The following HTRA3 variants were observed in gnomAD, a reference collection of about 807,000 sequenced individuals.
HTRA3 encodes the protein serine protease HTRA3.
HTRA3 carries 41 observed loss-of-function variants against 43.2 expected under a neutral mutation model. The observed-to-expected ratio is 0.95, with a 90% CI of 0.74 to 1.23. The LOEUF (loss-of-function observed/expected upper bound fraction) is 1.23, where lower values mean the gene tolerates loss of function less well. Ranked by LOEUF, HTRA3 falls within the 50% of genes most tolerant of loss-of-function variation. HTRA3 has a pLI of 0.00. For synonymous variants in HTRA3, 295 were observed against 287.9 expected (o/e 1.02, Z -0.25); for missense variants, 628 against 647.1 (o/e 0.97, Z 0.32).
chr4:8,288,231 G>A lies in HTRA3; in HGVS notation c.708+1448G>A, dbSNP rs142710199. Among the ~76,000 whole-genome samples, 19 of 152,242 alleles carry A rather than the reference G, an allele frequency of 1.2e-4. No individual in the cohort carries two copies. In the East Asian group the frequency reaches 3.7e-3, roughly 29 times the overall value. On this transcript the variant is annotated intron_variant, in intron 3 of 8. Transcript: ENST00000307358. ...GCATCACCTCCATTTTAAAGTTAAGGAAACCCACTGAGGGGTGTGCTCACG... is the reference window on the plus strand; with the variant it reads ...GCATCACCTCCATTTTAAAGTTAAGAAAACCCACTGAGGGGTGTGCTCACG...
Position 8,286,881 on chromosome 4 carries a change from C to T in HTRA3, c.708+98C>T. The T allele has an allele frequency of 2.2e-6, 2 of 927,064 alleles. No individual in the cohort carries two copies. The highest frequency in any genetic ancestry group is 3.2e-5 in the South Asian group (2 of 62,136). 57.4% of individuals were successfully genotyped at this position (927,064 alleles called of 1,614,324 possible). On this transcript the variant is annotated intron_variant, in intron 3 of 8. Transcript: ENST00000307358. The surrounding 1 kb of genome is among the most constrained non-coding windows in gnomAD (Gnocchi z 4.9). Reference sequence around the variant, plus strand: ...CCAGAGGCAAGCTAGCCCCACCTTCCATCAGCCAGGGGGAGGAAACTGGGC... The same window carrying T: ...CCAGAGGCAAGCTAGCCCCACCTTCTATCAGCCAGGGGGAGGAAACTGGGC...
chr4:8,271,643 T>C (rs1179509976), intron 1 of HTRA3, among the ~76,000 whole-genome samples: 1 of 152,182 alleles, frequency 6.6e-6, no homozygotes, highest in African/African-American at 2.4e-5. Flanking sequence ...AAGACCAAGG[T>C]GCCAGCAGGC....
At chr4:8,290,485 C>T (rs1713189750) in intron 3 of HTRA3, among the ~76,000 whole-genome samples, 1 of 152,208 alleles carries the variant, frequency 6.6e-6, no homozygotes, top group Non-Finnish European at 1.5e-5. Context: ...CGGGAAGCTA[C>T]AGGGTAGTGC....
rs773225092 is a variant in HTRA3, at chr4:8,270,178, C to T, written c.210C>T (p.Cys70=). Residue 70 remains cysteine, a synonymous_variant, in exon 1 of 9, where the codon TGC becomes TGT. Transcript: ENST00000307358. ...GTGGCGGCCCTCTGGACTCGCCTTG[C>T]GGCGAGAGCCTGGAGTGCGTGCGCG... ...EPCGGPLDSP[C]GESLECVRGL... 60 of 1,535,294 alleles carry T rather than the reference C, an allele frequency of 3.9e-5. 1 individual carries two copies. The Middle Eastern group carries it at 1.1e-3, about 28-fold the overall frequency.
chr4:8,273,167 C>A (rs13104330), intron 1 of HTRA3, among the ~76,000 whole-genome samples: 44,440 of 152,162 alleles, frequency 0.29, 6,718 homozygotes, highest in South Asian at 0.44. Flanking sequence ...GCTTTGCAGG[C>A]TATGCTCTGT....
chr4:8,291,689 G>T, intron 4 of HTRA3, 125 bp downstream of exon 4: 1 of 683,076 alleles, frequency 1.5e-6, no homozygotes, highest in Non-Finnish European at 2.4e-6. Flanking sequence ...ACATCCACTT[G>T]CTAGAAAGTT....
rs1329165039 is a variant in HTRA3, at chr4:8,291,268, G to T, written c.709-102G>T. The T allele has an allele frequency of 7.9e-6, 8 of 1,006,896 alleles. No individual in the cohort carries two copies. The Admixed American group carries it at 1.4e-4, about 18-fold the overall frequency. 62.4% of individuals were successfully genotyped at this position (1,006,896 alleles called of 1,614,324 possible). On this transcript the variant is annotated intron_variant, in intron 3 of 8. Transcript: ENST00000307358. ...AGTCCTGGTGGCTTTGCACAGATGT[G>T]CATGCCTTCCCTGGGACCCCCCTGC...
chr4:8,277,909 G>A (rs1030474642), intron 1 of HTRA3, among the ~76,000 whole-genome samples: 2 of 152,214 alleles, frequency 1.3e-5, no homozygotes, highest in Admixed American at 6.5e-5. Context: ...AAAAGAAGGG[G>A]CAGGGACCTT....
At position 8,303,934 on chromosome 4, in the gene HTRA3, G is replaced by A. The variant is rs568181626; in HGVS notation, c.1101-250G>A. On this transcript the variant is annotated intron_variant, in intron 7 of 8. Coordinates refer to ENST00000307358, the MANE Select transcript of HTRA3 (RefSeq NM_053044.5). ...CATCCATCCATCCATCCATCCTCCC[G>A]CCCCTCCTCCCACCTGTCTACCCAC... 6.6e-5 allele frequency among the ~76,000 whole-genome samples: 10 copies of A among 150,572 alleles called. No individual in the cohort carries two copies. The East Asian group carries it at 1.5e-3, about 23-fold the overall frequency.
intron 1 of HTRA3, among the ~76,000 whole-genome samples, chr4:8,275,362 C>T (rs557986058): frequency 3.9e-5 from 6 of 152,342 alleles, no homozygotes; most frequent in South Asian, 2.1e-4. Context: ...ATGGCTCCCA[C>T]GGCCTCAGGA....
intron 6 of HTRA3, among the ~76,000 whole-genome samples, chr4:8,299,917 G>T (rs1386390962): frequency 3.4e-5 from 5 of 147,616 alleles, no homozygotes; most frequent in Admixed American, 1.4e-4. Flanking sequence ...TTGGCTCCCT[G>T]CAACCTCTAC....
chr4:8,284,616 G>T (rs533565357), intron 2 of HTRA3, among the ~76,000 whole-genome samples: 1 of 152,242 alleles, frequency 6.6e-6, no homozygotes, highest in Non-Finnish European at 1.5e-5. Flanking sequence ...TGGGGCTTCC[G>T]CAGGCAAAAC....
intron 1 of HTRA3, among the ~76,000 whole-genome samples, chr4:8,273,037 C>T (rs1162941998): frequency 6.6e-6 from 1 of 152,212 alleles, no homozygotes; most frequent in Non-Finnish European, 1.5e-5. Context: ...TTTCCCACGG[C>T]AAGCCTGGTC....
chr4:8,291,268 G>A, intron 3 of HTRA3, 102 bp from the exon 4 acceptor site: 1 of 1,007,014 alleles, frequency 9.9e-7, no homozygotes. Flanking sequence ...GCACAGATGT[G>A]CATGCCTTCC....
At position 8,297,301 on chromosome 4, in the gene HTRA3, G is replaced by A. The variant is rs1469417751; in HGVS notation, c.1051+3100G>A. ...GAGGCTTCAGAGTCCCCTATCCTGA[G>A]CACAGTGAGTCGTGCTTTCCCCAGC... is the stretch of plus-strand genomic sequence containing the variant. On this transcript the variant is annotated intron_variant, in intron 6 of 8. Coordinates refer to ENST00000307358, the MANE Select transcript of HTRA3 (RefSeq NM_053044.5). This position sits in a 1 kb window ranked among gnomAD's most constrained non-coding sequence, Gnocchi z 5.8. 2.6e-5 allele frequency among the ~76,000 whole-genome samples: 4 copies of A among 152,012 alleles called. No homozygotes were observed. The highest frequency in any genetic ancestry group is 4.4e-5 in the Non-Finnish European group (3 of 68,012).
At chr4:8,281,804 C>T (rs1042474216) in intron 1 of HTRA3, among the ~76,000 whole-genome samples, 2 of 152,228 alleles carry the variant, frequency 1.3e-5, no homozygotes, top group Non-Finnish European at 2.9e-5. Context: ...AGTTCGTGAA[C>T]CATCTAGCAA....
intron 6 of HTRA3, among the ~76,000 whole-genome samples, chr4:8,300,183 G>C (rs1263376967): frequency 2.0e-5 from 3 of 152,152 alleles, no homozygotes; most frequent in Non-Finnish European, 2.9e-5. Flanking sequence ...TTTGTTTAAA[G>C]AATTTTTGTA....
In HTRA3 at chr4:8,279,763, C is replaced by T. The variant is rs1039295494; in HGVS notation, c.386-2674C>T. Among the ~76,000 whole-genome samples, 1 of 152,196 alleles carries T rather than the reference C, an allele frequency of 6.6e-6. No homozygotes were observed. Among genetic ancestry groups the T allele is most frequent in the African/African-American group, 2.4e-5 (1 of 41,452 alleles). Reference sequence around the variant, plus strand: ...GGCTCAGCCTGTGGCTTTCCATGTGCTGTGCCCCTGCCCGTGGGCTCTTCC... The same window carrying T: ...GGCTCAGCCTGTGGCTTTCCATGTGTTGTGCCCCTGCCCGTGGGCTCTTCC... On this transcript the variant is annotated intron_variant, in intron 1 of 8. Coordinates refer to ENST00000307358, the MANE Select transcript of HTRA3 (RefSeq NM_053044.5). This position sits in a 1 kb window ranked among gnomAD's most constrained non-coding sequence, Gnocchi z 7.4.
At chr4:8,304,003 G>A (rs775175233) in intron 7 of HTRA3, among the ~76,000 whole-genome samples, 181 bp from the exon 8 acceptor site, 8 of 152,054 alleles carry the variant, frequency 5.3e-5, no homozygotes, top group Non-Finnish European at 1.2e-4. Context: ...TTGCTACCAC[G>A]TTTCTCTTAA....
Sources: gnomAD v4.1 joint callset for allele counts (sites outside exome capture counted in the v4.1 genomes callset) on GRCh38, gnomAD v4.1.1 for gene constraint, Gnocchi (gnomAD v3.1) non-coding constraint, MANE v1.5 for transcripts, NCBI Gene and HGNC (gene_info 2026-07-23, HGNC 2026-07-21) for gene names.